INPP5F: variants seen among roughly 807,000 people sequenced by gnomAD.
INPP5F encodes phosphatidylinositide 4-phosphatase SAC2.
Under a neutral mutation model 137.2 loss-of-function variants are expected in INPP5F, and 97 were observed. The observed-to-expected ratio is 0.71, with a 90% CI of 0.60 to 0.84. The LOEUF is 0.84. Among genes scored for constraint, INPP5F ranks in the 40% least tolerant of loss-of-function variants. INPP5F has a pLI of 0.00. For synonymous variants in INPP5F, 504 were observed against 476.9 expected (o/e 1.06, Z -0.74); for missense variants, 1,271 against 1,371.9 (o/e 0.93, Z 1.16).
At chr10:119,823,225 T>C (rs1451831318) in intron 18 of INPP5F, 26 bp downstream of exon 18, 2 of 1,605,846 alleles carry the variant, frequency 1.2e-6, no homozygotes, top group African/African-American at 1.3e-5. Context: ...GATGAAAGTA[T>C]TCAGTGAAAA....
rs144111137 is a variant in INPP5F, at chr10:119,726,951, A to G, written c.97+592A>G. 8.6e-4 allele frequency among the ~76,000 whole-genome samples: 131 copies of G among 152,384 alleles called. 1 individual carries two copies. Among genetic ancestry groups the G allele is most frequent in the African/African-American group, 3.1e-3 (127 of 41,594 alleles). The stretch of plus-strand genomic sequence containing the variant: ...GCACAATTAAATTGTATTGTAATGT[A>G]TAATTTTGAGATTTTTGTGTGACTT... On this transcript the variant is annotated intron_variant, in intron 1 of 19. Coordinates refer to ENST00000650623, the MANE Select transcript of INPP5F (RefSeq NM_014937.4).
chr10:119,794,776 C>T (rs1192019005), intron 6 of INPP5F, among the ~76,000 whole-genome samples: 1 of 129,798 alleles, frequency 7.7e-6, no homozygotes, highest in Non-Finnish European at 1.7e-5. Flanking sequence ...CCGGACGGGG[C>T]GGCTGGCCGG....
intron 1 of INPP5F, among the ~76,000 whole-genome samples, chr10:119,733,070 C>T (rs1463678066): frequency 6.6e-6 from 1 of 152,198 alleles, no homozygotes; most frequent in Non-Finnish European, 1.5e-5. Context: ...ACCTTCTTGA[C>T]TACAAAGTGA....
At position 119,781,635 on chromosome 10, in the gene INPP5F, A is replaced by C. The variant is rs199800309; in HGVS notation, c.179A>C (p.Asp60Ala). 5 of 1,604,708 alleles carry C rather than the reference A, an allele frequency of 3.1e-6. 1 individual carries two copies. The African/African-American group carries it at 5.3e-5, about 17-fold the overall frequency. ...CTTTATTATGACTCTCCTCTTTCAGATCTTCCATGGTGGCTTATTCTAATT... is the reference window on the plus strand; with the variant it reads ...CTTTATTATGACTCTCCTCTTTCAGCTCTTCCATGGTGGCTTATTCTAATT... Reference protein sequence around the residue: ...GVIGKIQLHSDLPWWLILIRQ... With the variant: ...GVIGKIQLHSALPWWLILIRQ... Residue 60 changes from aspartate (D) to alanine (A), a missense_variant and splice_region_variant, in exon 3 of 20, where the codon GAT becomes GCT. Physicochemically the swap from Asp to Ala is moderately radical, Grantham distance 126. This residue lies in a region of INPP5F where 109 missense variants were observed against 105.1 expected (regional missense o/e 1.04). Transcript: ENST00000650623.
intron 2 of INPP5F, among the ~76,000 whole-genome samples, chr10:119,758,924 T>C (rs1488151964): frequency 1.3e-5 from 2 of 152,240 alleles, no homozygotes; most frequent in African/African-American, 4.8e-5. Context: ...GACTTTGCTA[T>C]GGCACTAGTG....
At chr10:119,800,701 A>C (rs1042753125) in intron 9 of INPP5F, among the ~76,000 whole-genome samples, 2 of 152,160 alleles carry the variant, frequency 1.3e-5, no homozygotes, top group African/African-American at 4.8e-5. Context: ...AGGGAAATGC[A>C]AATTAAAGCC....
chr10:119,827,318 T>C lies in INPP5F; in HGVS notation c.2937T>C (p.Ser979=). The change falls in exon 20 of 20, where the codon TCT becomes TCC. Residue 979 remains serine, a synonymous_variant. Coordinates refer to ENST00000650623, the MANE Select transcript of INPP5F (RefSeq NM_014937.4). ...NKVTHLSETR[S]VSQQASQERN... is the part of the protein sequence containing the mutation. ...TGACCCACCTATCAGAGACCAGATC[T>C]GTGTCTCAGCAGGCTAGTCAGGAAA... 6.2e-7 allele frequency: 1 copy of C among 1,614,146 alleles called. No individual in the cohort carries two copies. The highest frequency in any genetic ancestry group is 8.5e-7 in the Non-Finnish European group (1 of 1,179,998).
intron 9 of INPP5F, 90 bp from the exon 10 acceptor site, chr10:119,804,083 C>A: frequency 3.4e-6 from 3 of 883,680 alleles, no homozygotes; most frequent in South Asian, 2.1e-5. Context: ...TATTAAAAAC[C>A]ACACTGTGAT....
Position 119,826,748 on chromosome 10 carries a change from G to A in INPP5F, c.2367G>A (p.Lys789=), listed in dbSNP as rs1489591292. 2 of 1,613,728 alleles carry A rather than the reference G, an allele frequency of 1.2e-6. No homozygotes were observed. Among genetic ancestry groups the A allele is most frequent in the Non-Finnish European group, 1.7e-6 (2 of 1,179,890 alleles). The part of the protein sequence containing the change: ...SKFSSLNQKV[K]QTKSNVNIGN... The stretch of plus-strand genomic sequence containing the variant: ...TTTCATCTCTAAATCAAAAAGTGAA[G>A]CAGACCAAATCCAATGTAAATATTG... Residue 789 remains lysine, a synonymous_variant, in exon 20 of 20, where the codon AAG becomes AAA. Coordinates refer to ENST00000650623, the MANE Select transcript of INPP5F (RefSeq NM_014937.4).
rs1849968040 is a variant in INPP5F at position 119,787,608 on chromosome 10, TAGA to T, written c.316-3906_316-3904del. Among the ~76,000 whole-genome samples the T allele has an allele frequency of 8.4e-6, 1 of 118,890 alleles. No individual in the cohort carries two copies. The highest frequency in any genetic ancestry group is 1.7e-5 in the Non-Finnish European group (1 of 58,464). The allele number at this position is 118,890 out of a possible 152,430, so 78.0% of individuals were successfully genotyped here. A position where few individuals can be genotyped will look rare whatever the true frequency, so the allele number is the denominator to read the frequency against. On this transcript the variant is annotated intron_variant, in intron 3 of 19. Coordinates refer to ENST00000650623, the MANE Select transcript of INPP5F (RefSeq NM_014937.4). This position sits in a 1 kb window ranked among gnomAD's most constrained non-coding sequence, Gnocchi z 4.1. ...AGGAAAGAAGGAAGGAAGGAAAGGA[TAGA>T]AGGAAGGAAAGGGAAGGGGGAGGGG...
intron 10 of INPP5F, 136 bp downstream of exon 10, chr10:119,804,433 A>G: frequency 1.3e-6 from 1 of 755,644 alleles, no homozygotes; most frequent in East Asian, 2.9e-5. Context: ...GGTATCATTC[A>G]TTTACTTTGT....
chr10:119,757,067 C>CTTTATTTA (rs10642582), intron 2 of INPP5F, among the ~76,000 whole-genome samples: 6,260 of 149,852 alleles, frequency 0.042, 232 homozygotes, highest in South Asian at 0.22. Context: ...GATTTCTTTA[C>CTTTATTTA]TTTATTTATT....
At chr10:119,788,342 G>A (rs1345983977) in intron 3 of INPP5F, among the ~76,000 whole-genome samples, 2 of 152,158 alleles carry the variant, frequency 1.3e-5, no homozygotes, top group Non-Finnish European at 2.9e-5. Flanking sequence ...TTTCTAGATG[G>A]AGCATGAAGA....
chr10:119,799,514 A>G (rs1850508343), intron 9 of INPP5F, among the ~76,000 whole-genome samples: 1 of 152,200 alleles, frequency 6.6e-6, no homozygotes, highest in South Asian at 2.1e-4. Flanking sequence ...ATTTTGGGCA[A>G]TCACAAAGTC....
chr10:119,728,726 G>A (rs1847962268), intron 1 of INPP5F, among the ~76,000 whole-genome samples: 1 of 152,166 alleles, frequency 6.6e-6, no homozygotes, highest in Non-Finnish European at 1.5e-5. Flanking sequence ...CATTTATTTA[G>A]CCTGGAATGT....
chr10:119,727,055 A>G (rs565105796), intron 1 of INPP5F, among the ~76,000 whole-genome samples: 1 of 152,222 alleles, frequency 6.6e-6, no homozygotes, highest in Non-Finnish European at 1.5e-5. Context: ...TAAGTCTGCA[A>G]TTAGCTTGCT....
chr10:119,744,297 C>T (rs1375772842), intron 1 of INPP5F, among the ~76,000 whole-genome samples: 1 of 152,230 alleles, frequency 6.6e-6, no homozygotes, highest in Non-Finnish European at 1.5e-5. Context: ...CACCTAGCCT[C>T]CAGTGCCCCA....
chr10:119,817,737 CAAGT>C (rs1162582454), intron 15 of INPP5F, among the ~76,000 whole-genome samples: 2 of 152,146 alleles, frequency 1.3e-5, no homozygotes, highest in Non-Finnish European at 2.9e-5. Context: ...GGATTAGGGT[CAAGT>C]GAGTGAGGTA....
chr10:119,769,443 A>C (rs1589694679), intron 2 of INPP5F, among the ~76,000 whole-genome samples: 3 of 152,154 alleles, frequency 2.0e-5, no homozygotes, highest in African/African-American at 7.2e-5. Context: ...GTGATGTTTA[A>C]TTTTTTGTGT....
Sources: gnomAD v4.1 joint callset for allele counts (sites outside exome capture counted in the v4.1 genomes callset) on GRCh38, gnomAD v4.1.1 for gene constraint, gnomAD v4.1.1 regional missense constraint, Gnocchi (gnomAD v3.1) non-coding constraint, MANE v1.5 for transcripts, NCBI Gene and HGNC (gene_info 2026-07-23, HGNC 2026-07-21) for gene names.